The following SDK1 variants were observed in gnomAD, a reference collection of about 807,000 sequenced individuals.
SDK1 encodes protein sidekick-1.
SDK1 carries 157 observed loss-of-function variants against 245.5 expected under a neutral mutation model. The ratio of observed to expected loss-of-function variants is 0.64; its 90% CI spans 0.56 to 0.73. The LOEUF (loss-of-function observed/expected upper bound fraction) is 0.73, where lower values mean the gene tolerates loss of function less well. Among genes scored for constraint, SDK1 ranks in the 30% least tolerant of loss-of-function variants. The pLI is 0.00. For synonymous variants in SDK1, 1,647 were observed against 1,278.5 expected, an observed-to-expected ratio of 1.29 and a Z score of -6.15; for missense variants, 3,583 against 3,002.3, an observed-to-expected ratio of 1.19 and a Z score of -4.52.
intron 5 of SDK1, among the ~76,000 whole-genome samples, chr7:3,927,906 T>G (rs1779832876): frequency 6.6e-6 from 1 of 152,234 alleles, no homozygotes; most frequent in Non-Finnish European, 1.5e-5. Context: ...GGAATGACCC[T>G]TACAAATGAG....
intron 1 of SDK1, among the ~76,000 whole-genome samples, chr7:3,516,927 T>C (rs1218161511): frequency 1.3e-5 from 2 of 152,166 alleles, no homozygotes; most frequent in Non-Finnish European, 2.9e-5. Context: ...TTGGGTCAGA[T>C]CTGCCTGCTG....
intron 1 of SDK1, among the ~76,000 whole-genome samples, chr7:3,365,573 G>C (rs899613025): frequency 6.6e-6 from 1 of 151,888 alleles, no homozygotes; most frequent in African/African-American, 2.4e-5. Context: ...CAACTTATTT[G>C]CTTTATCTTA....
intron 1 of SDK1, among the ~76,000 whole-genome samples, chr7:3,357,328 G>GTGTTTTTTTTTTTTTTTTT (rs1780827600): frequency 1.9e-5 from 1 of 52,904 alleles, no homozygotes; most frequent in African/African-American, 7.3e-5. Flanking sequence ...TTCTTTTAGT[G>GTGTTTTTTTTTTTTTTTTT]TTTTTTTTTT....
chr7:3,793,543 G>T (rs569657864), intron 4 of SDK1, among the ~76,000 whole-genome samples: 1 of 152,158 alleles, frequency 6.6e-6, no homozygotes, highest in Non-Finnish European at 1.5e-5. Context: ...AAGTGGACCC[G>T]TGATCCTCTG....
At chr7:3,807,308 T>C (rs1055055556) in intron 4 of SDK1, among the ~76,000 whole-genome samples, 1 of 152,054 alleles carries the variant, frequency 6.6e-6, no homozygotes, top group African/African-American at 2.4e-5. Context: ...TCTATCAGGA[T>C]AGGAAGGGGA....
At chr7:3,417,102 A>C (rs1779388053) in intron 1 of SDK1, among the ~76,000 whole-genome samples, 1 of 152,182 alleles carries the variant, frequency 6.6e-6, no homozygotes, top group Non-Finnish European at 1.5e-5. Flanking sequence ...TGAACCCAGG[A>C]GGTGGAGGTT....
At chr7:4,066,623 G>C (rs1562757175) in intron 19 of SDK1, among the ~76,000 whole-genome samples, 2 of 152,172 alleles carry the variant, frequency 1.3e-5, no homozygotes, top group African/African-American at 4.8e-5. Flanking sequence ...AGATAGCCAG[G>C]CATCCTCTCC....
intron 1 of SDK1, among the ~76,000 whole-genome samples, chr7:3,350,966 G>A (rs935924511): frequency 4.6e-5 from 7 of 152,180 alleles, no homozygotes; most frequent in Non-Finnish European, 7.4e-5. Flanking sequence ...CACAATTAGT[G>A]ACATCTGGTT....
intron 38 of SDK1, among the ~76,000 whole-genome samples, chr7:4,215,618 G>C (rs1210242582): frequency 6.6e-6 from 1 of 152,222 alleles, no homozygotes; most frequent in East Asian, 1.9e-4. Context: ...TGAGTCTAGT[G>C]CAGGCCAGCC....
chr7:3,661,346 G>A (rs1245629408), intron 4 of SDK1, among the ~76,000 whole-genome samples: 1 of 152,212 alleles, frequency 6.6e-6, no homozygotes, highest in Non-Finnish European at 1.5e-5. Context: ...CTATGGAAAT[G>A]CATGCAAAAC....
intron 4 of SDK1, among the ~76,000 whole-genome samples, chr7:3,681,493 G>T (rs1784098885): frequency 6.6e-6 from 1 of 152,130 alleles, no homozygotes; most frequent in Non-Finnish European, 1.5e-5. Context: ...GGGTCATAAA[G>T]GTAGGCAAGT....
chr7:3,668,461 G>C (rs1783602459), intron 4 of SDK1, among the ~76,000 whole-genome samples: 1 of 152,192 alleles, frequency 6.6e-6, no homozygotes, highest in African/African-American at 2.4e-5. Flanking sequence ...AACATACAGA[G>C]AGAAGCTGTC....
chr7:3,364,903 G>A (rs925749379), intron 1 of SDK1, among the ~76,000 whole-genome samples: 4 of 152,072 alleles, frequency 2.6e-5, no homozygotes, highest in African/African-American at 9.7e-5. Flanking sequence ...TATGAACATG[G>A]TATGTCTCAC....
chr7:3,389,616 C>A (rs1781695576), intron 1 of SDK1, among the ~76,000 whole-genome samples: 2 of 152,160 alleles, frequency 1.3e-5, no homozygotes, highest in South Asian at 4.2e-4. Flanking sequence ...AAAACTAATA[C>A]AGGATAGGTG....
intron 5 of SDK1, among the ~76,000 whole-genome samples, chr7:3,901,946 G>T (rs1233889203): frequency 6.6e-6 from 1 of 152,186 alleles, no homozygotes; most frequent in Non-Finnish European, 1.5e-5. Flanking sequence ...CATGGTTTCA[G>T]AGTATCTCCT....
chr7:3,636,263 T>C (rs774544613), intron 2 of SDK1, among the ~76,000 whole-genome samples: 2 of 152,156 alleles, frequency 1.3e-5, no homozygotes, highest in African/African-American at 4.8e-5. Flanking sequence ...CTTTAAAATA[T>C]GTGATACAGT....
At chr7:3,489,762 T>C (rs1161617396) in intron 1 of SDK1, among the ~76,000 whole-genome samples, 3 of 152,228 alleles carry the variant, frequency 2.0e-5, no homozygotes, top group South Asian at 4.1e-4. Flanking sequence ...ATTGTGTGAA[T>C]ACAGATGAGA....
At chr7:4,172,668 G>A (rs1341474776) in intron 32 of SDK1, among the ~76,000 whole-genome samples, 2 of 152,138 alleles carry the variant, frequency 1.3e-5, no homozygotes, top group Non-Finnish European at 2.9e-5. Context: ...AGCTCTGGGG[G>A]CCAAAAGTCC....
intron 35 of SDK1, among the ~76,000 whole-genome samples, chr7:4,202,928 C>T (rs1192274876): frequency 6.6e-6 from 1 of 152,200 alleles, no homozygotes; most frequent in Non-Finnish European, 1.5e-5. Flanking sequence ...CCATGAGCTG[C>T]TGGTGCTCTC....
Sources: allele counts gnomAD v4.1 joint callset (sites outside exome capture counted in the v4.1 genomes callset), GRCh38; gene constraint gnomAD v4.1.1; transcripts MANE v1.5; gene names NCBI Gene and HGNC (gene_info 2026-07-23, HGNC 2026-07-21).